The following B3GAT2 variants were observed in gnomAD, a reference collection of about 807,000 sequenced individuals.
B3GAT2 encodes the protein beta-1,3-glucuronyltransferase 2, also known as galactosylgalactosylxylosylprotein 3-beta-glucuronosyltransferase 2.
In B3GAT2, 26 loss-of-function variants were observed where a neutral mutation model predicts 27.8. The ratio of observed to expected loss-of-function variants is 0.93; its 90% CI spans 0.68 to 1.30. The LOEUF is 1.30. Among genes scored for constraint, B3GAT2 ranks in the 50% most tolerant of loss-of-function variants. The probability of loss-of-function intolerance (pLI) is 0.00; values close to 1 mark genes in which losing one functional copy is unlikely to be tolerated. For missense variants in B3GAT2, 458 were observed against 459.0 expected (o/e 1.00, Z 0.02); for synonymous variants, 218 against 195.1 (o/e 1.12, Z -0.98).
At chr6:70,903,625 A>C (rs1772548011) in intron 1 of B3GAT2, among the ~76,000 whole-genome samples, 1 of 152,182 alleles carries the variant, frequency 6.6e-6, no homozygotes, top group Non-Finnish European at 1.5e-5. Flanking sequence ...CCCATTACAG[A>C]AATGGAAATT....
intron 2 of B3GAT2, among the ~76,000 whole-genome samples, chr6:70,892,253 C>T (rs1772302234): frequency 6.6e-6 from 1 of 152,136 alleles, no homozygotes; most frequent in Admixed American, 6.5e-5. Flanking sequence ...TTTGGCAGTC[C>T]TAGATAGGCC....
Position 70,956,233 on chromosome 6 carries a change from C to A in B3GAT2, c.197G>T (p.Arg66Leu). Residue 66 changes from arginine (R) to leucine (L), a missense_variant, in exon 1 of 4, where the codon CGC (arginine) becomes CTC (leucine). Coordinates refer to ENST00000230053, the MANE Select transcript of B3GAT2 (RefSeq NM_080742.3). The part of the protein sequence containing the change: ...RGGPAHGTQK[R>L]NQSRPQPQPE... ...CTGTGGCTGCGGCCGAGACTGGTTG[C>A]GCTTTTGGGTCCCGTGAGCCGGGCC... is the stretch of plus-strand genomic sequence containing the variant. The A allele has an allele frequency of 2.5e-6, 4 of 1,612,410 alleles. No homozygotes were observed. The highest frequency in any genetic ancestry group is 3.4e-6 in the Non-Finnish European group (4 of 1,179,180).
chr6:70,927,274 A>G (rs1308587871), intron 1 of B3GAT2, among the ~76,000 whole-genome samples: 3 of 152,186 alleles, frequency 2.0e-5, no homozygotes, highest in African/African-American at 2.4e-5. Context: ...TCAACTAATG[A>G]GCAAAATAAC....
chr6:70,949,078 G>A (rs933608880), intron 1 of B3GAT2, among the ~76,000 whole-genome samples: 2 of 151,998 alleles, frequency 1.3e-5, no homozygotes, highest in Non-Finnish European at 2.9e-5. Flanking sequence ...AAACTTAAAC[G>A]TTAGACCTAA....
Position 70,860,583 on chromosome 6 carries a change from G to C in B3GAT2, c.*1080C>G. 1 of 432,632 alleles carries C rather than the reference G, an allele frequency of 2.3e-6. No homozygotes were observed. Among genetic ancestry groups the C allele is most frequent in the Non-Finnish European group, 4.0e-6 (1 of 248,640 alleles). The allele number at this position is 432,632 out of a possible 1,614,324, so 26.8% of individuals were successfully genotyped here. On this transcript the variant is annotated 3_prime_UTR_variant, in exon 4 of 4. Transcript: ENST00000230053. ...CATGATTTCATGTACTGCATTATTTGAGAAGCTGCTCAACTTGCAAAATCA... is the reference window on the plus strand; with the variant it reads ...CATGATTTCATGTACTGCATTATTTCAGAAGCTGCTCAACTTGCAAAATCA...
At chr6:70,944,635 G>A (rs1285363012) in intron 1 of B3GAT2, among the ~76,000 whole-genome samples, 2 of 152,078 alleles carry the variant, frequency 1.3e-5, no homozygotes, top group East Asian at 1.9e-4. Context: ...CTCCACCTCT[G>A]AGGACAGGGC....
At chr6:70,929,831 G>C (rs891305492) in intron 1 of B3GAT2, among the ~76,000 whole-genome samples, 1 of 152,040 alleles carries the variant, frequency 6.6e-6, no homozygotes, top group African/African-American at 2.4e-5. Flanking sequence ...TCACATAATT[G>C]GAAAAAACTA....
At chr6:70,930,157 G>A (rs2150045460) in intron 1 of B3GAT2, among the ~76,000 whole-genome samples, 1 of 152,288 alleles carries the variant, frequency 6.6e-6, no homozygotes, top group Non-Finnish European at 1.5e-5. Context: ...AGATGAAACT[G>A]GATCCCTTCC....
At chr6:70,862,981 GAA>G (rs1562212242) in intron 2 of B3GAT2, among the ~76,000 whole-genome samples, 1 of 152,018 alleles carries the variant, frequency 6.6e-6, no homozygotes. Context: ...CTGTCTCAAA[GAA>G]AAAAGAATCA....
chr6:70,933,829 T>G (rs780760361), intron 1 of B3GAT2, among the ~76,000 whole-genome samples: 5 of 152,176 alleles, frequency 3.3e-5, no homozygotes, highest in Non-Finnish European at 5.9e-5. Context: ...ACAGCTCCTG[T>G]TGCCCCAGAC....
rs374112991 is a variant in B3GAT2, at chr6:70,882,237, C to T, written c.736+11891G>A. On this transcript the variant is annotated intron_variant, in intron 2 of 3. Coordinates refer to ENST00000230053, the MANE Select transcript of B3GAT2 (RefSeq NM_080742.3). ...AATAGGTACGCTGGGTGTGGTGGCTCACACCTGTAATCCCAGCACTTTGGG... is the reference window on the plus strand; with the variant it reads ...AATAGGTACGCTGGGTGTGGTGGCTTACACCTGTAATCCCAGCACTTTGGG... 4.6e-5 allele frequency among the ~76,000 whole-genome samples: 7 copies of T among 152,290 alleles called. No individual in the cohort carries two copies. In the East Asian group the frequency reaches 9.7e-4, roughly 21 times the overall value.
intron 1 of B3GAT2, among the ~76,000 whole-genome samples, chr6:70,923,003 C>T (rs771055652): frequency 6.6e-5 from 10 of 152,050 alleles, no homozygotes; most frequent in Non-Finnish European, 1.3e-4. Flanking sequence ...ATCAATGTAC[C>T]ATGTCATAGG....
At chr6:70,941,438 G>A (rs1407242260) in intron 1 of B3GAT2, among the ~76,000 whole-genome samples, 5 of 152,050 alleles carry the variant, frequency 3.3e-5, no homozygotes, top group East Asian at 1.9e-4. Flanking sequence ...GGGCTGTTAC[G>A]CCTATGTGAG....
At chr6:70,927,569 G>C (rs1180474015) in intron 1 of B3GAT2, among the ~76,000 whole-genome samples, 1 of 152,130 alleles carries the variant, frequency 6.6e-6, no homozygotes, top group Non-Finnish European at 1.5e-5. Context: ...AAGATCAAAA[G>C]AGACAAAGAA....
At chr6:70,903,067 A>C (rs906203183) in intron 1 of B3GAT2, among the ~76,000 whole-genome samples, 5 of 152,168 alleles carry the variant, frequency 3.3e-5, no homozygotes, top group Non-Finnish European at 7.4e-5. Context: ...ATGTGAGGTA[A>C]TATGTATTCC....
At chr6:70,902,843 A>G (rs1237983935) in intron 1 of B3GAT2, among the ~76,000 whole-genome samples, 1 of 152,070 alleles carries the variant, frequency 6.6e-6, no homozygotes, top group African/African-American at 2.4e-5. Flanking sequence ...AAAAAGTCAA[A>G]CTCATAGAAA....
At chr6:70,902,637 T>TATATAC (rs1491331231) in intron 1 of B3GAT2, among the ~76,000 whole-genome samples, 8 of 133,474 alleles carry the variant, frequency 6.0e-5, no homozygotes, top group Admixed American at 3.0e-4. Context: ...TATATATATA[T>TATATAC]ACACACACAC....
At chr6:70,935,500 C>T (rs1428894509) in intron 1 of B3GAT2, among the ~76,000 whole-genome samples, 1 of 150,500 alleles carries the variant, frequency 6.6e-6, no homozygotes, top group African/African-American at 2.4e-5. Context: ...ATCCAAATGT[C>T]ATTGAAAAGT....
In B3GAT2 at chr6:70,861,692, G is replaced by A. The variant is rs560152490; in HGVS notation, c.943C>T (p.His315Tyr). The A allele has an allele frequency of 1.2e-5, 19 of 1,614,052 alleles. No homozygotes were observed. The African/African-American group carries it at 1.3e-4, about 11-fold the overall frequency. The change falls in exon 4 of 4, where the codon CAC (histidine) becomes TAC (tyrosine). Residue 315 changes from histidine to tyrosine, a missense_variant. Physicochemically the swap from His to Tyr is moderately conservative, Grantham distance 83. Coordinates refer to ENST00000230053, the MANE Select transcript of B3GAT2 (RefSeq NM_080742.3). ...ACCTCAATTTTCACTGTGTCCAGGT[G>A]GTACTTTGGCTCGTTGGCTAGATTA... ...KVNLANEPKYHLDTVKIEV is the reference protein window; with the variant it reads ...KVNLANEPKYYLDTVKIEV
Sources: gnomAD v4.1 joint callset for allele counts (sites outside exome capture counted in the v4.1 genomes callset) on GRCh38, gnomAD v4.1.1 for gene constraint, MANE v1.5 for transcripts, NCBI Gene and HGNC (gene_info 2026-07-23, HGNC 2026-07-21) for gene names.